The following CEP63 variants were observed in gnomAD, a reference collection of about 807,000 sequenced individuals.
The protein encoded by CEP63 is centrosomal protein of 63 kDa.
Under a neutral mutation model 89.1 loss-of-function variants are expected in CEP63, and 84 were observed. That is an observed-to-expected ratio of 0.94 (90% CI 0.79 to 1.13). The LOEUF is 1.13. CEP63 is among the 50% of genes most tolerant of loss of function. The probability of loss-of-function intolerance (pLI) is 0.00; values close to 1 mark genes in which losing one functional copy is unlikely to be tolerated. For synonymous variants in CEP63, 267 were observed against 272.5 expected (o/e 0.98, Z 0.20); for missense variants, 838 against 813.3 (o/e 1.03, Z -0.37).
At chr3:134,689,109 C>T in the CEP63 span, among the ~76,000 whole-genome samples, 3 of 152,176 alleles carry the variant, frequency 2.0e-5, no homozygotes, top group Non-Finnish European at 1.5e-5. Context: ...TAGTCCCCAG[C>T]TCTTGAATCT....
At chr3:134,536,228 A>G (rs1284942076) in intron 5 of CEP63, 1 of 152,326 alleles carries the variant, frequency 6.6e-6, no homozygotes, top group Non-Finnish European at 1.5e-5. Context: ...GAAATGTGTC[A>G]TCTGTTGCCC....
downstream of CEP63, among the ~76,000 whole-genome samples, chr3:134,588,332 C>T (rs1560082987): frequency 6.6e-6 from 1 of 152,048 alleles, no homozygotes; most frequent in Non-Finnish European, 1.5e-5. Context: ...TAATATTAAA[C>T]ATATGTTGAG....
At chr3:134,707,736 TTTC>T in the CEP63 span, among the ~76,000 whole-genome samples, 31 of 62,664 alleles carry the variant, frequency 4.9e-4, no homozygotes, top group African/African-American at 2.1e-3. Flanking sequence ...CTTTGATTCT[TTTC>T]TTTTTTTTTT....
chr3:134,726,459 GAC>G, the CEP63 span, among the ~76,000 whole-genome samples: 1 of 47,036 alleles, frequency 2.1e-5, no homozygotes, highest in African/African-American at 5.5e-5. Flanking sequence ...CACACAGACA[GAC>G]ACACACACAC....
At chr3:134,594,922 G>A in the CEP63 span, among the ~76,000 whole-genome samples, 1 of 152,318 alleles carries the variant, frequency 6.6e-6, no homozygotes, top group East Asian at 1.9e-4. Context: ...TGGGTGGCAT[G>A]CATGTTGCGT....
At chr3:134,631,665 T>C in the CEP63 span, among the ~76,000 whole-genome samples, 1 of 152,082 alleles carries the variant, frequency 6.6e-6, no homozygotes, top group Non-Finnish European at 1.5e-5. Context: ...TTGTAATAGA[T>C]TATGAAAAGT....
intron 11 of CEP63, among the ~76,000 whole-genome samples, chr3:134,572,714 C>T (rs2373865): frequency 0.32 from 48,256 of 152,054 alleles, 7,944 homozygotes; most frequent in African/African-American, 0.35. Context: ...TAATGCTGAA[C>T]GTATGAGTTT....
exon 12 of CEP63, chr3:134,574,832 T>C (rs1387826077): frequency 1.6e-6 from 1 of 637,086 alleles, no homozygotes; most frequent in Non-Finnish European, 2.9e-6. Flanking sequence ...GGTTTTGAAC[T>C]TCGGGATTCA....
the CEP63 span, among the ~76,000 whole-genome samples, chr3:134,747,889 G>C: frequency 6.6e-6 from 1 of 152,128 alleles, no homozygotes; most frequent in Non-Finnish European, 1.5e-5. Flanking sequence ...GGGTTGAAGC[G>C]ATTCTCCTGC....
the CEP63 span, chr3:134,601,132 A>G: frequency 2.0e-5 from 3 of 152,242 alleles, no homozygotes; most frequent in Non-Finnish European, 4.4e-5. Context: ...CCTGAGCAGC[A>G]TGCGTGTAAA....
the CEP63 span, among the ~76,000 whole-genome samples, chr3:134,724,803 T>C: frequency 1.3e-5 from 2 of 152,218 alleles, no homozygotes; most frequent in African/African-American, 4.8e-5. Flanking sequence ...TCCAAAGGCC[T>C]ATTGCAGTTT....
the CEP63 span, among the ~76,000 whole-genome samples, chr3:134,727,856 G>A: frequency 6.6e-6 from 1 of 152,120 alleles, no homozygotes. Flanking sequence ...GAATATGGGG[G>A]TTTGTTGTAC....
the CEP63 span, among the ~76,000 whole-genome samples, chr3:134,657,895 TTTTA>T: frequency 2.6e-5 from 4 of 152,164 alleles, no homozygotes; most frequent in Non-Finnish European, 4.4e-5. Flanking sequence ...TTTCTTTTTA[TTTTA>T]TTTATTTATT....
Position 134,490,193 on chromosome 3 carries a change from C to G in CEP63, c.-26+3991C>G, listed in dbSNP as rs539849251. On this transcript the variant is annotated intron_variant, in intron 1 of 14. Transcript: ENST00000675561. ...GAAATATTATATATTAAAAAAAACA[C>G]AAATATGCAAAATTCGCATTGTTTC... Among the ~76,000 whole-genome samples the G allele has an allele frequency of 4.3e-4, 65 of 152,168 alleles. 1 individual carries two copies. The highest frequency in any genetic ancestry group is 1.6e-3 in the African/African-American group (65 of 41,546).
chr3:134,580,408 G>T (rs1342426619), intron 10 of CEP63, among the ~76,000 whole-genome samples: 4 of 152,100 alleles, frequency 2.6e-5, no homozygotes, highest in African/African-American at 9.7e-5. Flanking sequence ...TTATTAAAAT[G>T]TGCACTTATA....
the CEP63 span, among the ~76,000 whole-genome samples, chr3:134,703,418 A>G: frequency 3.9e-5 from 6 of 152,184 alleles, no homozygotes; most frequent in Non-Finnish European, 5.9e-5. Context: ...AATGTGGTAC[A>G]TGTACACCAT....
the CEP63 span, among the ~76,000 whole-genome samples, chr3:134,686,082 C>T: frequency 6.6e-6 from 1 of 152,338 alleles, no homozygotes; most frequent in East Asian, 1.9e-4. Flanking sequence ...AACTCCTCTC[C>T]TCACAGGGCT....
At chr3:134,540,339 A>G (rs900726014) in intron 6 of CEP63, among the ~76,000 whole-genome samples, 1 of 152,190 alleles carries the variant, frequency 6.6e-6, no homozygotes, top group African/African-American at 2.4e-5. Context: ...TTATTGTAGA[A>G]CATTTAGTTT....
the CEP63 span, among the ~76,000 whole-genome samples, chr3:134,734,687 G>A: frequency 6.6e-6 from 1 of 152,158 alleles, no homozygotes; most frequent in Non-Finnish European, 1.5e-5. Flanking sequence ...AAAATTGTCT[G>A]ATAATCATTG....
Sources: allele counts gnomAD v4.1 joint callset (sites outside exome capture counted in the v4.1 genomes callset), GRCh38; gene constraint gnomAD v4.1.1; transcripts MANE v1.5; gene names NCBI Gene and HGNC (gene_info 2026-07-23, HGNC 2026-07-21).